MACROD2: variants seen among roughly 807,000 people sequenced by gnomAD.
MACROD2 encodes ADP-ribose glycohydrolase MACROD2.
MACROD2 carries 36 observed loss-of-function variants against 70.4 expected under a neutral mutation model. The ratio of observed to expected loss-of-function variants is 0.51; its 90% CI spans 0.39 to 0.68. The LOEUF is 0.68. MACROD2 is among the 30% of genes least tolerant of loss of function. MACROD2 has a pLI of 0.00. For missense variants in MACROD2, 496 were observed against 538.4 expected (o/e 0.92, Z 0.78); for synonymous variants, 172 against 178.8 (o/e 0.96, Z 0.30).
At chr20:14,816,799 A>AT (rs2072779048) in intron 5 of MACROD2, among the ~76,000 whole-genome samples, 1 of 152,000 alleles carries the variant, frequency 6.6e-6, no homozygotes, top group African/African-American at 2.4e-5. Context: ...ATTATATGAG[A>AT]TTCTGGCCTT....
At chr20:14,515,424 C>T (rs1263091880) in intron 4 of MACROD2, among the ~76,000 whole-genome samples, 7 of 133,610 alleles carry the variant, frequency 5.2e-5, no homozygotes, top group African/African-American at 8.2e-5. Flanking sequence ...AGTATCTATC[C>T]GTAGTTGAAT....
chr20:15,826,690 A>G (rs538563891), intron 8 of MACROD2, among the ~76,000 whole-genome samples: 17 of 152,368 alleles, frequency 1.1e-4, no homozygotes, highest in Middle Eastern at 6.8e-3. Flanking sequence ...ATAATGCGTT[A>G]TAAATTATAT....
intron 6 of MACROD2, among the ~76,000 whole-genome samples, chr20:15,338,084 C>G (rs759447771): frequency 2.0e-5 from 3 of 151,492 alleles, no homozygotes; most frequent in Non-Finnish European, 4.4e-5. Flanking sequence ...ACAGTACCCT[C>G]TCTTTTTCAG....
intron 5 of MACROD2, among the ~76,000 whole-genome samples, chr20:14,994,406 A>C (rs765328699): frequency 6.6e-5 from 10 of 151,788 alleles, no homozygotes; most frequent in South Asian, 2.1e-4. Context: ...CTCTCTTCCC[A>C]CCACCTGTTC....
intron 2 of MACROD2, among the ~76,000 whole-genome samples, chr20:14,011,073 G>C (rs766422725): frequency 6.6e-6 from 1 of 152,116 alleles, no homozygotes; most frequent in Non-Finnish European, 1.5e-5. Flanking sequence ...AGGTCCTTAT[G>C]ACCCCCTGAT....
chr20:15,930,047 G>A (rs2065550677), intron 10 of MACROD2, among the ~76,000 whole-genome samples: 1 of 152,258 alleles, frequency 6.6e-6, no homozygotes, highest in Middle Eastern at 3.4e-3. Context: ...TGATCTTAAA[G>A]GAATATTAAC....
At chr20:14,782,163 A>G (rs1293063259) in intron 5 of MACROD2, among the ~76,000 whole-genome samples, 3 of 151,972 alleles carry the variant, frequency 2.0e-5, no homozygotes, top group Non-Finnish European at 4.4e-5. Context: ...ACCTCAAGTG[A>G]TCTGCCTGAT....
chr20:15,157,359 A>ACCCCCCCCCCCCC (rs1568606906), intron 5 of MACROD2, among the ~76,000 whole-genome samples: 2 of 115,306 alleles, frequency 1.7e-5, no homozygotes, highest in Admixed American at 8.8e-5. Flanking sequence ...ACCCCCCCCC[A>ACCCCCCCCCCCCC]CCTCCCCCCC....
At chr20:15,910,406 GT>G (rs2065219503) in intron 10 of MACROD2, among the ~76,000 whole-genome samples, 2 of 151,794 alleles carry the variant, frequency 1.3e-5, no homozygotes, top group Non-Finnish European at 2.9e-5. Flanking sequence ...GTGTGTGTGT[GT>G]GTGTGTGTGT....
At chr20:14,590,276 T>C (rs983246720) in intron 4 of MACROD2, among the ~76,000 whole-genome samples, 1 of 152,094 alleles carries the variant, frequency 6.6e-6, no homozygotes, top group East Asian at 1.9e-4. Context: ...CTAACCTTAC[T>C]AGTTAGAGGA....
intron 6 of MACROD2, among the ~76,000 whole-genome samples, chr20:15,370,887 T>G (rs2045482553): frequency 1.3e-5 from 2 of 152,060 alleles, no homozygotes; most frequent in African/African-American, 4.8e-5. Context: ...ATTATAATTT[T>G]TATAGTTAGT....
At chr20:14,131,783 C>T in intron 3 of MACROD2, among the ~76,000 whole-genome samples, 1 of 152,144 alleles carries the variant, frequency 6.6e-6, no homozygotes, top group Non-Finnish European at 1.5e-5. Context: ...GGTTGGAATA[C>T]AATGGCACCA....
At chr20:14,827,109 T>C (rs1270002862) in intron 5 of MACROD2, among the ~76,000 whole-genome samples, 1 of 152,108 alleles carries the variant, frequency 6.6e-6, no homozygotes, top group Non-Finnish European at 1.5e-5. Flanking sequence ...AATGCTACAT[T>C]AGCATCATCG....
chr20:15,893,773 G>A (rs1210884818), intron 10 of MACROD2: 1 of 456,752 alleles, frequency 2.2e-6, no homozygotes, highest in Admixed American at 2.3e-5. Flanking sequence ...ACTGGGAAAT[G>A]AAGAGTGTAA....
chr20:14,579,468 CTT>C (rs1162895716), intron 4 of MACROD2, among the ~76,000 whole-genome samples: 7 of 152,194 alleles, frequency 4.6e-5, no homozygotes, highest in Admixed American at 1.3e-4. Flanking sequence ...AATACACACT[CTT>C]TGACAAGTGC....
chr20:14,675,111 C>A (rs1226129560), intron 4 of MACROD2, among the ~76,000 whole-genome samples: 2 of 152,034 alleles, frequency 1.3e-5, no homozygotes, highest in Non-Finnish European at 2.9e-5. Flanking sequence ...GAGAATAGAA[C>A]CAAGTTGGAA....
chr20:15,602,009 C>G (rs1229223761), intron 8 of MACROD2, among the ~76,000 whole-genome samples: 1 of 147,574 alleles, frequency 6.8e-6, no homozygotes, highest in East Asian at 2.0e-4. Context: ...GCCTGGACAA[C>G]AGAGCGAGAC....
chr20:15,832,393 T>A (rs1442955156), intron 8 of MACROD2, among the ~76,000 whole-genome samples: 1 of 152,144 alleles, frequency 6.6e-6, no homozygotes, highest in Non-Finnish European at 1.5e-5. Flanking sequence ...ATGTTCTCAA[T>A]GGCAGGAAAC....
chr20:15,640,465 A>C (rs992270365), intron 8 of MACROD2, among the ~76,000 whole-genome samples: 4 of 152,156 alleles, frequency 2.6e-5, no homozygotes, highest in Non-Finnish European at 4.4e-5. Context: ...GGATATTGGC[A>C]GTGTCTCCAG....
Sources: gnomAD v4.1 joint callset for allele counts (sites outside exome capture counted in the v4.1 genomes callset) on GRCh38, gnomAD v4.1.1 for gene constraint, MANE v1.5 for transcripts, NCBI Gene and HGNC (gene_info 2026-07-23, HGNC 2026-07-21) for gene names.